Variants in CMTR1 observed in about 807,000 individuals in gnomAD.
The protein encoded by CMTR1 is cap methyltransferase 1, also known as cap-specific mRNA (nucleoside-2'-O-)-methyltransferase 1.
CMTR1 carries 39 observed loss-of-function variants against 107.0 expected under a neutral mutation model. The ratio of observed to expected loss-of-function variants is 0.36; its 90% CI spans 0.28 to 0.48. The LOEUF is 0.48. Ranked by LOEUF, CMTR1 falls within the 20% of genes least tolerant of loss-of-function variation. CMTR1 has a pLI of 0.99. For synonymous variants in CMTR1, 366 were observed against 379.5 expected (o/e 0.96, Z 0.41); for missense variants, 672 against 1,064.9 (o/e 0.63, Z 5.14).
chr6:37,479,278 T>G, intron 23 of CMTR1, 23 bp downstream of exon 23: 1 of 1,522,298 alleles, frequency 6.6e-7, no homozygotes, highest in Non-Finnish European at 9.1e-7. Flanking sequence ...CCTCCAAGCC[T>G]GCCCTCCTTA....
At chr6:37,479,031 G>T in intron 22 of CMTR1, 116 bp from the exon 23 acceptor site, 1 of 690,194 alleles carries the variant, frequency 1.4e-6, no homozygotes, top group Non-Finnish European at 2.5e-6. Context: ...GCTATTCCCT[G>T]CTTGCTTTTG....
intron 12 of CMTR1, among the ~76,000 whole-genome samples, chr6:37,462,397 G>A (rs1387199455): frequency 2.6e-5 from 4 of 152,202 alleles, no homozygotes. Context: ...GGGCTGGGAA[G>A]GGGCAAGGAG....
intron 13 of CMTR1, among the ~76,000 whole-genome samples, chr6:37,469,623 G>A (rs1490202355): frequency 6.7e-6 from 1 of 149,856 alleles, no homozygotes; most frequent in East Asian, 2.0e-4. Flanking sequence ...CGCCTCTGGG[G>A]TTCAAGTGAT....
At chr6:37,477,521 C>T in intron 20 of CMTR1, 71 bp from the exon 21 acceptor site, 6 of 1,425,730 alleles carry the variant, frequency 4.2e-6, no homozygotes, top group Non-Finnish European at 5.9e-6. Context: ...AGTCTCCTGC[C>T]TCCCAGCTGC....
chr6:37,478,645 T>A, intron 22 of CMTR1, 124 bp downstream of exon 22: 1 of 742,068 alleles, frequency 1.3e-6, no homozygotes, highest in Non-Finnish European at 2.3e-6. Context: ...GCAGCCAGGC[T>A]GGCATTTCTC....
upstream of CMTR1, among the ~76,000 whole-genome samples, chr6:37,432,885 C>T (rs774055597): frequency 6.6e-6 from 1 of 152,244 alleles, no homozygotes; most frequent in Admixed American, 6.5e-5. Context: ...AACAAGAACA[C>T]TGCGTTCGCT....
intron 6 of CMTR1, 68 bp from the exon 7 acceptor site, chr6:37,452,979 G>A (rs1238035604): frequency 3.6e-6 from 5 of 1,372,624 alleles, no homozygotes; most frequent in South Asian, 2.3e-5. Context: ...TGTGAGTTGG[G>A]CACTGCAGGG....
chr6:37,439,374 C>G (rs904143459), intron 2 of CMTR1, among the ~76,000 whole-genome samples: 2 of 152,182 alleles, frequency 1.3e-5, no homozygotes, highest in African/African-American at 4.8e-5. Context: ...TAAGAAAATT[C>G]CTTCTCTCCT....
At chr6:37,469,047 A>G (rs1449040977) in intron 13 of CMTR1, among the ~76,000 whole-genome samples, 1 of 152,130 alleles carries the variant, frequency 6.6e-6, no homozygotes, top group African/African-American at 2.4e-5. Context: ...TGGCCAAAGA[A>G]TTGCTTGAAC....
Position 37,472,012 on chromosome 6 carries a change from T to C in CMTR1, c.1620+108T>C, listed in dbSNP as rs184597510. On this transcript the variant is annotated intron_variant, in intron 15 of 23. Transcript: ENST00000373451. This position sits in a 1 kb window ranked among gnomAD's most constrained non-coding sequence, Gnocchi z 4.1. Reference sequence around the variant, plus strand: ...TAGGGTGTCTCTGCATCCAAAAATATCTGCTACCCTCACAGCATCCCAGAG... The same window carrying C: ...TAGGGTGTCTCTGCATCCAAAAATACCTGCTACCCTCACAGCATCCCAGAG... The C allele has an allele frequency of 3.2e-6, 3 of 940,610 alleles. No individual in the cohort carries two copies. In the African/African-American group the frequency reaches 4.9e-5, roughly 15 times the overall value. The allele number at this position is 940,610 out of a possible 1,614,324, so 58.3% of individuals were successfully genotyped here.
chr6:37,458,714 C>T lies in CMTR1; in HGVS notation c.880C>T (p.His294Tyr). The part of the protein sequence containing the change: ...SEYVLWRKKW[H>Y]AKGFGMTLKG... ...GTATGTGCTGTGGAGGAAGAAGTGG[C>T]ATGCAAAGGGCTTTGGAATGACTTT... The change falls in exon 9 of 24, where the codon CAT becomes TAT. Residue 294 changes from histidine (H) to tyrosine (Y), a missense_variant. Coordinates refer to ENST00000373451, the MANE Select transcript of CMTR1 (RefSeq NM_015050.3). This position sits in a 1 kb window ranked among gnomAD's most constrained non-coding sequence, Gnocchi z 4.7. The T allele has an allele frequency of 6.2e-7, 1 of 1,614,142 alleles. No homozygotes were observed.
chr6:37,451,885 C>T lies in CMTR1; in HGVS notation c.609+8C>T. On this transcript the variant is annotated splice_region_variant and intron_variant, in intron 6 of 23. Coordinates refer to ENST00000373451, the MANE Select transcript of CMTR1 (RefSeq NM_015050.3). ...AGTGTGTTGCAGTGTAAGGTAAGGT[C>T]TTGTGGCTAGAACCAGATAATGAAA... The T allele has an allele frequency of 6.2e-7, 1 of 1,609,800 alleles. No homozygotes were observed.
chr6:37,473,632 TG>T (rs1184617578), intron 17 of CMTR1, 31 bp downstream of exon 17: 1 of 1,605,438 alleles, frequency 6.2e-7, no homozygotes, highest in Non-Finnish European at 8.5e-7. Flanking sequence ...CTGCCCAGCT[TG>T]GAATGGTGGA....
intron 2 of CMTR1, chr6:37,436,166 G>C (rs1304092806): frequency 6.2e-6 from 1 of 160,196 alleles, no homozygotes; most frequent in Admixed American, 6.5e-5. Context: ...TTTTTTGCAT[G>C]CATACCGTTT....
In CMTR1 at chr6:37,480,161, C is replaced by A; in HGVS notation, c.*16C>A. On this transcript the variant is annotated 3_prime_UTR_variant, in exon 24 of 24. Coordinates refer to ENST00000373451, the MANE Select transcript of CMTR1 (RefSeq NM_015050.3). The stretch of plus-strand genomic sequence containing the variant: ...CAGGGCCTAAGAGCCTCAGAATGTG[C>A]CACCCCTGCAGAATGCCCTGTCATT... 2 of 1,596,748 alleles carry A rather than the reference C, an allele frequency of 1.3e-6. No individual in the cohort carries two copies. The highest frequency in any genetic ancestry group is 1.1e-5 in the South Asian group (1 of 88,052).
At chr6:37,474,426 C>A in intron 17 of CMTR1, 98 bp from the exon 18 acceptor site, 1 of 1,375,258 alleles carries the variant, frequency 7.3e-7, no homozygotes, top group Non-Finnish European at 1.0e-6. Flanking sequence ...CCAGTCCCAT[C>A]AGTTTGTAGC....
rs1561795701 is a variant in CMTR1, at chr6:37,481,184, A to G, written c.*1039A>G. On this transcript the variant is annotated 3_prime_UTR_variant, in exon 24 of 24. Transcript: ENST00000373451. ...TCCCATTTCCTTTATCTTGGCCGAC[A>G]ACACAGAGAGGAGGGGGAGCTGGGC... is the stretch of plus-strand genomic sequence containing the variant. The G allele has an allele frequency of 1.3e-5, 17 of 1,303,886 alleles. No homozygotes were observed. The highest frequency in any genetic ancestry group is 1.7e-5 in the Non-Finnish European group (17 of 988,810). The allele number at this position is 1,303,886 out of a possible 1,614,324, so 80.8% of individuals were successfully genotyped here.
chr6:37,478,550 C>A, intron 22 of CMTR1, 29 bp downstream of exon 22: 1 of 1,549,380 alleles, frequency 6.5e-7, no homozygotes, highest in Non-Finnish European at 8.9e-7. Context: ...TTCCCGCCAT[C>A]CCCTCCCCTC....
At chr6:37,438,730 T>G (rs934308342) in intron 2 of CMTR1, among the ~76,000 whole-genome samples, 3 of 152,256 alleles carry the variant, frequency 2.0e-5, no homozygotes, top group African/African-American at 7.2e-5. Flanking sequence ...TTTGCCTGTC[T>G]CCTCCAGTCT....
Sources: allele counts gnomAD v4.1 joint callset (sites outside exome capture counted in the v4.1 genomes callset), GRCh38; gene constraint gnomAD v4.1.1; non-coding constraint Gnocchi (gnomAD v3.1); transcripts MANE v1.5; gene names NCBI Gene and HGNC (gene_info 2026-07-23, HGNC 2026-07-21).